Variants in RAB27A observed in about 807,000 individuals in gnomAD.
RAB27A encodes the protein RAB27A, member RAS oncogene family, also known as ras-related protein Rab-27A.
Under a neutral mutation model 20.8 loss-of-function variants are expected in RAB27A, and 17 were observed. That is an observed-to-expected ratio of 0.82 (90% CI 0.56 to 1.23). RAB27A has a LOEUF of 1.23. Ranked by LOEUF, RAB27A falls within the 50% of genes most tolerant of loss-of-function variation. The pLI is 0.00. For synonymous variants in RAB27A, 85 were observed against 92.8 expected, an observed-to-expected ratio of 0.92 and a Z score of 0.48; for missense variants, 277 against 266.7, an observed-to-expected ratio of 1.04 and a Z score of -0.27.
At chr15:55,241,647 T>C (rs1216969175) in intron 2 of RAB27A, among the ~76,000 whole-genome samples, 1 of 144,100 alleles carries the variant, frequency 6.9e-6, no homozygotes, top group Admixed American at 6.8e-5. Flanking sequence ...TATTTGTTTT[T>C]TTTTTTATAA....
chr15:55,206,965 G>A (rs2140896346), intron 6 of RAB27A, among the ~76,000 whole-genome samples: 1 of 152,198 alleles, frequency 6.6e-6, no homozygotes, highest in Middle Eastern at 3.4e-3. Context: ...TTCCTCAAAT[G>A]AATTAAAGTA....
rs116025097 is a variant in RAB27A at position 55,284,489 on chromosome 15, T to C, written c.-143+5227A>G. Among the ~76,000 whole-genome samples, 750 of 152,252 alleles carry C rather than the reference T, an allele frequency of 4.9e-3. 9 individuals are homozygous for C. The highest frequency in any genetic ancestry group is 0.017 in the African/African-American group (712 of 41,556). Reference sequence around the variant, plus strand: ...AACCATAAAAAAAAATAAAACCACATTGAATTACAGGCTTTCTGGCATAAC... The same window carrying C: ...AACCATAAAAAAAAATAAAACCACACTGAATTACAGGCTTTCTGGCATAAC... On this transcript the variant is annotated intron_variant, in intron 1 of 6. Transcript: ENST00000336787.
chr15:55,302,353 G>A (rs1161557248), intron 2 of RAB27A, among the ~76,000 whole-genome samples: 2 of 152,056 alleles, frequency 1.3e-5, no homozygotes, highest in Non-Finnish European at 2.9e-5. Context: ...CGGGATTGCA[G>A]ACGGAGTCTC....
chr15:55,265,471 A>C (rs543004390), intron 2 of RAB27A, among the ~76,000 whole-genome samples: 1 of 152,094 alleles, frequency 6.6e-6, no homozygotes, highest in African/African-American at 2.4e-5. Flanking sequence ...CAAAAATTAC[A>C]CAGTGCACTA....
At chr15:55,258,098 G>C (rs1253527302) in intron 2 of RAB27A, among the ~76,000 whole-genome samples, 2 of 148,424 alleles carry the variant, frequency 1.3e-5, no homozygotes, top group Admixed American at 6.7e-5. Flanking sequence ...GAAACACACA[G>C]TGAGGAGGAG....
upstream of RAB27A, among the ~76,000 whole-genome samples, chr15:55,293,507 A>T (rs8040540): frequency 2.0e-5 from 3 of 151,502 alleles, no homozygotes; most frequent in Non-Finnish European, 2.9e-5. Context: ...TAAAAGTTCC[A>T]TTTACAATAA....
intron 2 of RAB27A, among the ~76,000 whole-genome samples, chr15:55,243,433 T>C (rs1896569217): frequency 6.6e-6 from 1 of 151,936 alleles, no homozygotes; most frequent in Non-Finnish European, 1.5e-5. Context: ...GGAGGGTGGA[T>C]CACCTGAAGT....
rs117439147 is a variant in RAB27A, at chr15:55,263,110, T to C, written c.-23+7055A>G. Among the ~76,000 whole-genome samples, 763 of 152,312 alleles carry C rather than the reference T, an allele frequency of 5.0e-3. 2 individuals carry two copies. Among genetic ancestry groups the C allele is most frequent in the Non-Finnish European group, 6.6e-3 (449 of 68,014 alleles). ...TTTGATATTTTTCTTTCCTTTCTTCTAGCTTCTTCTCTCACTTTCCTGGTT... is the reference window on the plus strand; with the variant it reads ...TTTGATATTTTTCTTTCCTTTCTTCCAGCTTCTTCTCTCACTTTCCTGGTT... On this transcript the variant is annotated intron_variant, in intron 2 of 6. Transcript: ENST00000336787.
At chr15:55,223,268 A>G (rs530377183) in intron 6 of RAB27A, among the ~76,000 whole-genome samples, 65 of 152,182 alleles carry the variant, frequency 4.3e-4, no homozygotes, top group African/African-American at 1.5e-3. Flanking sequence ...GCACTTTGGG[A>G]GGCTGAGGCG....
chr15:55,233,445 A>G (rs1404314336), intron 3 of RAB27A, among the ~76,000 whole-genome samples: 1 of 152,248 alleles, frequency 6.6e-6, no homozygotes, highest in Non-Finnish European at 1.5e-5. Flanking sequence ...CTATCAACAG[A>G]CAAATGGATA....
intron 2 of RAB27A, among the ~76,000 whole-genome samples, chr15:55,262,924 T>C (rs1897328606): frequency 6.6e-6 from 1 of 152,188 alleles, no homozygotes; most frequent in African/African-American, 2.4e-5. Flanking sequence ...TTTTGGTACA[T>C]ATTTTTATCA....
At chr15:55,230,649 G>A (rs1168826317) in intron 3 of RAB27A, among the ~76,000 whole-genome samples, 163 bp from the exon 4 acceptor site, 1 of 151,982 alleles carries the variant, frequency 6.6e-6, no homozygotes, top group Non-Finnish European at 1.5e-5. Flanking sequence ...TTATATCCAG[G>A]TAATGTAATA....
intron 5 of RAB27A, among the ~76,000 whole-genome samples, chr15:55,226,686 G>A (rs1895813666): frequency 6.6e-6 from 1 of 151,842 alleles, no homozygotes; most frequent in African/African-American, 2.4e-5. Context: ...CCCGGGAGAT[G>A]GGTGAAACCC....
At position 55,215,651 on chromosome 15, in the gene RAB27A, CA is replaced by C. The variant is rs562538229; in HGVS notation, c.467+8237del. 3.3e-3 allele frequency among the ~76,000 whole-genome samples: 251 copies of C among 76,546 alleles called. 2 individuals carry two copies. The highest frequency in any genetic ancestry group is 4.4e-3 in the Non-Finnish European group (177 of 40,382). The allele number at this position is 76,546 out of a possible 152,430, so 50.2% of individuals were successfully genotyped here. ...TGGGCGACAGAGCGAGACTCCGTCT[CA>C]AAAAAAAAAAAAAGAGTCATAACCT... On this transcript the variant is annotated intron_variant, in intron 6 of 6. Coordinates refer to ENST00000336787, the MANE Select transcript of RAB27A (RefSeq NM_183235.3).
At position 55,262,477 on chromosome 15, in the gene RAB27A, G is replaced by C. The variant is rs571958903; in HGVS notation, c.-23+7688C>G. Reference sequence around the variant, plus strand: ...GAATGGCGTGAACCCGGGAGGCAGAGCTTGCAGTGAGCCGAGATCACGCCA... The same window carrying C: ...GAATGGCGTGAACCCGGGAGGCAGACCTTGCAGTGAGCCGAGATCACGCCA... On this transcript the variant is annotated intron_variant, in intron 2 of 6. Coordinates refer to ENST00000336787, the MANE Select transcript of RAB27A (RefSeq NM_183235.3). Among the ~76,000 whole-genome samples, 13 of 150,608 alleles carry C rather than the reference G, an allele frequency of 8.6e-5. No homozygotes were observed. In the South Asian group the frequency reaches 2.7e-3, roughly 32 times the overall value.
chr15:55,317,128 T>C (rs1455746993), intron 1 of RAB27A: 3 of 152,150 alleles, frequency 2.0e-5, no homozygotes, highest in Non-Finnish European at 4.4e-5. Flanking sequence ...TACTTATCTG[T>C]CCTGGTAAAA....
At chr15:55,252,473 G>A (rs112542250) in intron 2 of RAB27A, among the ~76,000 whole-genome samples, 11,675 of 152,134 alleles carry the variant, frequency 0.077, 732 homozygotes, top group Admixed American at 0.18. Context: ...GTGGGGACAC[G>A]TGCCTGTAAT....
chr15:55,213,414 C>A (rs974520678), intron 6 of RAB27A, among the ~76,000 whole-genome samples: 1 of 152,158 alleles, frequency 6.6e-6, no homozygotes, highest in Non-Finnish European at 1.5e-5. Flanking sequence ...TTTTACAGAT[C>A]TTTTCAGAAC....
At chr15:55,257,731 G>A (rs751246485) in intron 2 of RAB27A, among the ~76,000 whole-genome samples, 7 of 152,128 alleles carry the variant, frequency 4.6e-5, no homozygotes, top group Admixed American at 1.3e-4. Flanking sequence ...GGTGGCTCAC[G>A]CCTGTAATCC....
Sources: gnomAD v4.1 joint callset for allele counts (sites outside exome capture counted in the v4.1 genomes callset) on GRCh38, gnomAD v4.1.1 for gene constraint, MANE v1.5 for transcripts, NCBI Gene and HGNC (gene_info 2026-07-23, HGNC 2026-07-21) for gene names.